CREB3L2: variants seen among roughly 807,000 people sequenced by gnomAD.
CREB3L2 encodes the protein cAMP responsive element binding protein 3 like 2, also known as cyclic AMP-responsive element-binding protein 3-like protein 2.
A neutral mutation model predicts 57.2 loss-of-function variants in CREB3L2; 23 were observed. The ratio of observed to expected loss-of-function variants is 0.40; its 90% CI spans 0.29 to 0.57. The LOEUF (loss-of-function observed/expected upper bound fraction) is 0.57, where lower values mean the gene tolerates loss of function less well. Among genes scored for constraint, CREB3L2 ranks in the 20% least tolerant of loss-of-function variants. The pLI, the probability that CREB3L2 is intolerant of heterozygous loss-of-function variation, is 0.42. For missense variants in CREB3L2, 628 were observed against 634.7 expected (o/e 0.99, Z 0.11); for synonymous variants, 268 against 265.1 (o/e 1.01, Z -0.11).
intron 1 of CREB3L2, among the ~76,000 whole-genome samples, chr7:137,986,291 C>T (rs1053416508): frequency 1.3e-5 from 2 of 152,244 alleles, no homozygotes; most frequent in Admixed American, 1.3e-4. Context: ...TCTGCTTTCA[C>T]GGTGTTTCCA....
At chr7:137,921,785 A>G (rs1800281939) in intron 2 of CREB3L2, among the ~76,000 whole-genome samples, 1 of 152,150 alleles carries the variant, frequency 6.6e-6, no homozygotes, top group South Asian at 2.1e-4. Context: ...TATATATGAA[A>G]GGTTAAAGAT....
At chr7:137,987,734 C>T (rs904554759) in intron 1 of CREB3L2, among the ~76,000 whole-genome samples, 20 of 152,298 alleles carry the variant, frequency 1.3e-4, no homozygotes, top group African/African-American at 4.8e-4. Flanking sequence ...CCCAGAGTGG[C>T]GCACAGTGGC....
intron 1 of CREB3L2, among the ~76,000 whole-genome samples, chr7:137,933,348 G>A (rs1476012945): frequency 6.6e-6 from 1 of 152,148 alleles, no homozygotes; most frequent in Non-Finnish European, 1.5e-5. Flanking sequence ...ATTCTATCCC[G>A]AGGCAACGCT....
intron 1 of CREB3L2, among the ~76,000 whole-genome samples, chr7:137,989,436 T>A (rs1024161813): frequency 6.7e-6 from 1 of 149,458 alleles, no homozygotes; most frequent in African/African-American, 2.5e-5. Flanking sequence ...TCTCCAGTTT[T>A]TTTTTTTTTT....
intron 1 of CREB3L2, among the ~76,000 whole-genome samples, chr7:137,972,976 C>T (rs1801544266): frequency 6.7e-6 from 1 of 150,340 alleles, no homozygotes; most frequent in Admixed American, 6.6e-5. Context: ...TCCCCAAATC[C>T]CTATATAGGA....
At chr7:137,989,477 T>C (rs1208749465) in intron 1 of CREB3L2, among the ~76,000 whole-genome samples, 1 of 148,818 alleles carries the variant, frequency 6.7e-6, no homozygotes, top group Non-Finnish European at 1.5e-5. Flanking sequence ...GTTCTATCTG[T>C]AGGGTCTTCT....
rs538428258 is a variant in CREB3L2, at chr7:137,963,485, G to A, written c.103-35119C>T. Among the ~76,000 whole-genome samples the A allele has an allele frequency of 2.6e-5, 4 of 152,268 alleles. No homozygotes were observed. The South Asian group carries it at 8.3e-4, about 32-fold the overall frequency. On this transcript the variant is annotated intron_variant, in intron 1 of 11. Transcript: ENST00000330387. ...CACGCCATTTTGTATTTATCCTAAG[G>A]TAAACATCAATCTTTCTAGCTTCTG...
chr7:137,927,969 G>C (rs1299889674), intron 2 of CREB3L2, among the ~76,000 whole-genome samples, 181 bp downstream of exon 2: 3 of 152,130 alleles, frequency 2.0e-5, no homozygotes, highest in African/African-American at 7.2e-5. Context: ...GGGCAGTGTA[G>C]AGAAATGGGT....
chr7:137,947,169 G>A (rs952818526), intron 1 of CREB3L2, among the ~76,000 whole-genome samples: 1 of 150,666 alleles, frequency 6.6e-6, no homozygotes, highest in Non-Finnish European at 1.5e-5. Flanking sequence ...TACAAGCCAG[G>A]AAGAGAGCCC....
At position 137,905,802 on chromosome 7, in the gene CREB3L2, C is replaced by T; in HGVS notation, c.815G>A (p.Arg272Lys). Reference protein sequence around the residue: ...GPLVLTEEEKRTLIAEGYPIP... With the variant: ...GPLVLTEEEKKTLIAEGYPIP... ...GGGATAGCCCTCAGCGATCAGGGTC[C>T]TCTTCTCCTCCTCTGTCAGGACCAG... The change falls in exon 6 of 12, where the codon AGG becomes AAG. Residue 272 changes from arginine to lysine, a missense_variant. Physicochemically the swap from Arg to Lys is conservative, Grantham distance 26. Transcript: ENST00000330387. 1.2e-6 allele frequency: 2 copies of T among 1,614,128 alleles called. No homozygotes were observed. The highest frequency in any genetic ancestry group is 1.7e-6 in the Non-Finnish European group (2 of 1,179,992).
chr7:137,875,557 G>GGGAA lies in CREB3L2; in HGVS notation c.*4918_*4919insTTCC, dbSNP rs1158244385. On this transcript the variant is annotated 3_prime_UTR_variant, in exon 12 of 12. Coordinates refer to ENST00000330387, the MANE Select transcript of CREB3L2 (RefSeq NM_194071.4). ...CAAAAAGATAGGAGATGGACACCTG[G>GGGAA]GGGACTGCTCCAGCACGAAGGGAAG... The GGGAA allele has an allele frequency of 2.0e-4, 45 of 223,696 alleles. No homozygotes were observed. In the East Asian group the frequency reaches 2.9e-3, roughly 14 times the overall value. 13.9% of individuals were successfully genotyped at this position (223,696 alleles called of 1,614,324 possible). A position where few individuals can be genotyped will look rare whatever the true frequency, so the allele number is the denominator to read the frequency against.
At chr7:137,955,262 C>A (rs748665179) in intron 1 of CREB3L2, 24 of 1,288,504 alleles carry the variant, frequency 1.9e-5, no homozygotes, top group Admixed American at 2.3e-5. Flanking sequence ...AGAAAAAGCA[C>A]GTGTTCACAG....
intron 1 of CREB3L2, among the ~76,000 whole-genome samples, chr7:137,943,018 T>G (rs991005763): frequency 6.6e-6 from 1 of 152,178 alleles, no homozygotes; most frequent in Non-Finnish European, 1.5e-5. Context: ...AAAGGGGTAG[T>G]TGCTGGCATA....
chr7:137,899,355 T>A (rs114039787), intron 8 of CREB3L2, among the ~76,000 whole-genome samples: 3,590 of 152,260 alleles, frequency 0.024, 130 homozygotes, highest in African/African-American at 0.081. Flanking sequence ...GAACACAAAC[T>A]CCAAGGAGGT....
intron 1 of CREB3L2, among the ~76,000 whole-genome samples, chr7:137,948,728 G>A (rs548785867): frequency 6.6e-6 from 1 of 152,166 alleles, no homozygotes; most frequent in Non-Finnish European, 1.5e-5. Context: ...CGTAACTGAA[G>A]AATAGCCTCA....
chr7:137,917,943 C>T (rs576691467), intron 2 of CREB3L2, among the ~76,000 whole-genome samples: 2 of 152,192 alleles, frequency 1.3e-5, no homozygotes, highest in East Asian at 3.9e-4. Context: ...GAACAAAGGG[C>T]TCTCTGATGG....
chr7:137,887,712 GA>G (rs373429809), intron 8 of CREB3L2, among the ~76,000 whole-genome samples: 9,180 of 143,470 alleles, frequency 0.064, 925 homozygotes, highest in African/African-American at 0.22. Flanking sequence ...CCGTCTCAAA[GA>G]AAAAAAAAAA....
intron 1 of CREB3L2, among the ~76,000 whole-genome samples, chr7:137,941,231 T>C (rs1019192389): frequency 1.3e-5 from 2 of 152,210 alleles, no homozygotes; most frequent in African/African-American, 2.4e-5. Flanking sequence ...AGAAATCCAA[T>C]CTGCCTTTCA....
chr7:137,996,112 C>T (rs1468909437), intron 1 of CREB3L2, among the ~76,000 whole-genome samples: 2 of 152,264 alleles, frequency 1.3e-5, no homozygotes. Context: ...TATTCGCCCA[C>T]TACTACCTGG....
Sources: gnomAD v4.1 joint callset for allele counts (sites outside exome capture counted in the v4.1 genomes callset) on GRCh38, gnomAD v4.1.1 for gene constraint, MANE v1.5 for transcripts, NCBI Gene and HGNC (gene_info 2026-07-23, HGNC 2026-07-21) for gene names.